SYNPR: variants seen among roughly 807,000 people sequenced by gnomAD.
The protein encoded by SYNPR is synaptoporin.
Under a neutral mutation model 32.9 loss-of-function variants are expected in SYNPR, and 23 were observed. The observed-to-expected ratio is 0.70, with a 90% CI of 0.50 to 0.99. The LOEUF is 0.99. SYNPR is among the 50% of genes least tolerant of loss of function. The probability of loss-of-function intolerance (pLI) is 0.00; values close to 1 mark genes in which losing one functional copy is unlikely to be tolerated. For synonymous variants in SYNPR, 146 were observed against 135.9 expected (o/e 1.07, Z -0.52); for missense variants, 318 against 349.3 (o/e 0.91, Z 0.71).
At chr3:63,304,707 C>T (rs1241068601) in intron 2 of SYNPR, among the ~76,000 whole-genome samples, 1 of 151,842 alleles carries the variant, frequency 6.6e-6, no homozygotes, top group Non-Finnish European at 1.5e-5. Flanking sequence ...ACATCAGTCT[C>T]ACTGGAAGAA....
intron 2 of SYNPR, among the ~76,000 whole-genome samples, chr3:63,368,236 C>G (rs1335477449): frequency 6.6e-6 from 1 of 152,156 alleles, no homozygotes; most frequent in Admixed American, 6.6e-5. Context: ...CCTTGGTTAG[C>G]ACATTGTCTG....
At chr3:63,275,755 T>C (rs2106912446), upstream of SYNPR, among the ~76,000 whole-genome samples, 1 of 152,348 alleles carries the variant, frequency 6.6e-6, no homozygotes, top group Non-Finnish European at 1.5e-5. Context: ...ATAAAGCACT[T>C]AGCACAATGC....
intron 3 of SYNPR, among the ~76,000 whole-genome samples, chr3:63,551,657 T>C (rs1210249014): frequency 1.3e-5 from 2 of 152,210 alleles, no homozygotes; most frequent in African/African-American, 4.8e-5. Context: ...TTGTGCTTTC[T>C]TTCTTAACTT....
At chr3:63,413,624 G>T (rs1280639906) in intron 2 of SYNPR, among the ~76,000 whole-genome samples, 2 of 152,190 alleles carry the variant, frequency 1.3e-5, no homozygotes, top group Non-Finnish European at 2.9e-5. Context: ...GCAGAGTACA[G>T]TTATGCTAAG....
At chr3:63,454,603 C>A (rs959058439) in intron 2 of SYNPR, among the ~76,000 whole-genome samples, 2 of 152,102 alleles carry the variant, frequency 1.3e-5, no homozygotes, top group Non-Finnish European at 2.9e-5. Context: ...AATTTTACCA[C>A]TGGTTAATAG....
chr3:63,243,220 T>C (rs2086261428), intron 1 of SYNPR, among the ~76,000 whole-genome samples: 1 of 152,022 alleles, frequency 6.6e-6, no homozygotes, highest in Admixed American at 6.6e-5. Flanking sequence ...AGGAGCACCC[T>C]AAACTCTAAA....
At chr3:63,220,339 A>G in the SYNPR span, among the ~76,000 whole-genome samples, 1 of 152,164 alleles carries the variant, frequency 6.6e-6, no homozygotes, top group African/African-American at 2.4e-5. Flanking sequence ...AAGCAAGGAG[A>G]AAGGACTAAG....
At chr3:63,378,435 T>C (rs1171703564) in intron 2 of SYNPR, among the ~76,000 whole-genome samples, 1 of 152,092 alleles carries the variant, frequency 6.6e-6, no homozygotes, top group East Asian at 1.9e-4. Context: ...GAATTCCTTT[T>C]GCAACTTTGT....
intron 2 of SYNPR, among the ~76,000 whole-genome samples, chr3:63,454,152 G>T (rs1216440447): frequency 1.3e-5 from 2 of 152,016 alleles, no homozygotes; most frequent in African/African-American, 4.8e-5. Context: ...TGAAATGAGG[G>T]ACAGAAAATG....
At chr3:63,201,795 G>A in the SYNPR span, among the ~76,000 whole-genome samples, 1 of 152,020 alleles carries the variant, frequency 6.6e-6, no homozygotes, top group Non-Finnish European at 1.5e-5. Context: ...ATTATTTTTT[G>A]ATAATTTCAA....
At chr3:63,599,206 T>G (rs1700003549) in intron 4 of SYNPR, among the ~76,000 whole-genome samples, 1 of 152,188 alleles carries the variant, frequency 6.6e-6, no homozygotes, top group Admixed American at 6.5e-5. Context: ...ATAGCCATCA[T>G]AATGTTATGG....
intron 3 of SYNPR, among the ~76,000 whole-genome samples, chr3:63,496,593 A>G (rs958155244): frequency 2.6e-5 from 4 of 152,324 alleles, no homozygotes; most frequent in Admixed American, 2.6e-4. Flanking sequence ...GACAATTTAT[A>G]TGCCTATCAG....
chr3:63,441,650 T>G (rs11711289), intron 2 of SYNPR, among the ~76,000 whole-genome samples: 5 of 151,966 alleles, frequency 3.3e-5, no homozygotes, highest in Admixed American at 3.3e-4. Context: ...CTCATTGAAG[T>G]GCAGAGATTT....
intron 2 of SYNPR, among the ~76,000 whole-genome samples, chr3:63,293,169 T>A (rs1395802632): frequency 6.6e-6 from 1 of 152,200 alleles, no homozygotes; most frequent in East Asian, 1.9e-4. Context: ...TTCATTCAGA[T>A]CTTGTAATGA....
intron 2 of SYNPR, among the ~76,000 whole-genome samples, chr3:63,366,844 C>T (rs1339810103): frequency 6.6e-6 from 1 of 152,112 alleles, no homozygotes; most frequent in Non-Finnish European, 1.5e-5. Context: ...GAAACTTGCC[C>T]CAAGGTCACA....
rs559551978 is a variant in SYNPR, at chr3:63,416,268, C to T, written c.85-64564C>T. On this transcript the variant is annotated intron_variant, in intron 2 of 5. Coordinates refer to ENST00000478300, the MANE Select transcript of SYNPR (RefSeq NM_001130003.2). Reference sequence around the variant, plus strand: ...GCCTTTGGCTGGCTACTCTGGCTCACGCCTGTAATCCCAGCACTTTGGGAG... The same window carrying T: ...GCCTTTGGCTGGCTACTCTGGCTCATGCCTGTAATCCCAGCACTTTGGGAG... Among the ~76,000 whole-genome samples, 89 of 152,284 alleles carry T rather than the reference C, an allele frequency of 5.8e-4. 1 individual carries two copies. The highest frequency in any genetic ancestry group is 6.8e-3 in the Middle Eastern group (2 of 294).
At chr3:63,313,194 T>A (rs2086986869) in intron 2 of SYNPR, among the ~76,000 whole-genome samples, 1 of 151,960 alleles carries the variant, frequency 6.6e-6, no homozygotes, top group Non-Finnish European at 1.5e-5. Context: ...GCCACTTCAG[T>A]TGAAGAAAGG....
chr3:63,400,037 A>G (rs1364198966), intron 2 of SYNPR, among the ~76,000 whole-genome samples: 2 of 152,202 alleles, frequency 1.3e-5, no homozygotes, highest in African/African-American at 4.8e-5. Context: ...TCCCCAGCCC[A>G]TTCTGCAGAG....
chr3:63,562,810 G>A (rs975084853), intron 4 of SYNPR, among the ~76,000 whole-genome samples: 2 of 152,172 alleles, frequency 1.3e-5, no homozygotes, highest in Non-Finnish European at 2.9e-5. Context: ...GATCTTCAGG[G>A]TAGTGGCTAA....
Sources: gnomAD v4.1 joint callset for allele counts (sites outside exome capture counted in the v4.1 genomes callset) on GRCh38, gnomAD v4.1.1 for gene constraint, MANE v1.5 for transcripts, NCBI Gene and HGNC (gene_info 2026-07-23, HGNC 2026-07-21) for gene names.